The following SETBP1 variants were observed in gnomAD, a reference collection of about 807,000 sequenced individuals.
SETBP1 encodes the protein SET binding protein 1, also known as SET-binding protein.
SETBP1 carries 9 observed loss-of-function variants against 101.0 expected under a neutral mutation model. The ratio of observed to expected loss-of-function variants is 0.09; its 90% CI spans 0.05 to 0.16. The LOEUF (loss-of-function observed/expected upper bound fraction) is 0.16, where lower values mean the gene tolerates loss of function less well. SETBP1 is among the 10% of genes least tolerant of loss of function. The probability of loss-of-function intolerance (pLI) is 1.00; values close to 1 mark genes in which losing one functional copy is unlikely to be tolerated. For missense variants in SETBP1, 1,858 were observed against 2,033.8 expected (o/e 0.91, Z 1.66); for synonymous variants, 818 against 788.5 (o/e 1.04, Z -0.63).
In SETBP1 at chr18:44,898,845, G is replaced by T. The variant is rs536145609; in HGVS notation, c.540+29562G>T. On this transcript the variant is annotated intron_variant, in intron 3 of 5. Transcript: ENST00000649279. ...GGAAGTGATTGTAAAATATTTGAGAGGATTAAATGCTCAGAGAATATAGTG... is the reference window on the plus strand; with the variant it reads ...GGAAGTGATTGTAAAATATTTGAGATGATTAAATGCTCAGAGAATATAGTG... 6.6e-5 allele frequency among the ~76,000 whole-genome samples: 10 copies of T among 152,322 alleles called. 1 individual carries two copies. Among genetic ancestry groups the T allele is most frequent in the Admixed American group, 6.5e-4 (10 of 15,286 alleles).
At chr18:44,771,928 A>G (rs574156420) in intron 2 of SETBP1, among the ~76,000 whole-genome samples, 1 of 152,314 alleles carries the variant, frequency 6.6e-6, no homozygotes, top group African/African-American at 2.4e-5. Context: ...GATGGAACAG[A>G]CTTCCTATGT....
intron 4 of SETBP1, among the ~76,000 whole-genome samples, chr18:45,003,228 TCTAGGGAATCTGTGTA>T (rs1437183368): frequency 6.6e-6 from 1 of 152,006 alleles, no homozygotes; most frequent in Non-Finnish European, 1.5e-5. Flanking sequence ...TGTGCACAAT[TCTAGGGAATCTGTGTA>T]TTTTTTAGTT....
rs1381024427 is a variant in SETBP1 at position 44,822,551 on chromosome 18, G to A, written c.487-46679G>A. On this transcript the variant is annotated intron_variant, in intron 2 of 5. Transcript: ENST00000649279. The stretch of plus-strand genomic sequence containing the variant: ...TTTAGAAATTAACCACCTGCCATAG[G>A]GAAGATGCGTAGATGATTAGGTTAG... Among the ~76,000 whole-genome samples the A allele has an allele frequency of 3.3e-5, 5 of 152,268 alleles. 1 individual carries two copies. In the South Asian group the frequency reaches 6.2e-4, roughly 19 times the overall value.
chr18:44,899,122 G>C (rs1009709736), intron 3 of SETBP1, among the ~76,000 whole-genome samples: 1 of 152,104 alleles, frequency 6.6e-6, no homozygotes, highest in Non-Finnish European at 1.5e-5. Context: ...TGTTCCTTTT[G>C]TAGAGTTAAA....
chr18:44,784,158 CT>C (rs951729255), intron 2 of SETBP1, among the ~76,000 whole-genome samples: 2 of 152,190 alleles, frequency 1.3e-5, no homozygotes, highest in African/African-American at 2.4e-5. Context: ...TAATTGTGGA[CT>C]TTCCTAAAGA....
intron 2 of SETBP1, among the ~76,000 whole-genome samples, chr18:44,729,167 C>G (rs1240649484): frequency 6.6e-6 from 1 of 152,176 alleles, no homozygotes; most frequent in Non-Finnish European, 1.5e-5. Context: ...CACTTTGAGT[C>G]ACTGTTCTTT....
At chr18:44,996,217 T>G (rs2072494887) in intron 4 of SETBP1, among the ~76,000 whole-genome samples, 1 of 152,222 alleles carries the variant, frequency 6.6e-6, no homozygotes, top group Non-Finnish European at 1.5e-5. Context: ...CAATGAAGTC[T>G]GATAGCCAGG....
intron 2 of SETBP1, among the ~76,000 whole-genome samples, chr18:44,780,146 G>A (rs1430007451): frequency 6.6e-6 from 1 of 152,134 alleles, no homozygotes; most frequent in Non-Finnish European, 1.5e-5. Flanking sequence ...GACAAGCCCT[G>A]CTCCTCCAAC....
intron 4 of SETBP1, among the ~76,000 whole-genome samples, chr18:45,005,945 CTTTTTTTTTTTTT>C (rs1032603185): frequency 2.9e-5 from 3 of 103,170 alleles, no homozygotes; most frequent in South Asian, 3.1e-4. Context: ...TGCACCCGGC[CTTTTTTTTTTTTT>C]TTTTTTTTTT....
At chr18:44,849,591 C>T (rs114904539) in intron 2 of SETBP1, among the ~76,000 whole-genome samples, 1,731 of 152,200 alleles carry the variant, frequency 0.011, 24 homozygotes, top group African/African-American at 0.04. Context: ...GGCAGTAGCA[C>T]ATCCGTGACG....
chr18:44,865,099 A>T (rs2144657202), intron 2 of SETBP1, among the ~76,000 whole-genome samples: 1 of 152,284 alleles, frequency 6.6e-6, no homozygotes, highest in Non-Finnish European at 1.5e-5. Context: ...TCAGCGCTGG[A>T]TTGGACAGAT....
intron 4 of SETBP1, among the ~76,000 whole-genome samples, chr18:45,000,061 A>T (rs1489653390): frequency 6.6e-6 from 1 of 152,244 alleles, no homozygotes; most frequent in Non-Finnish European, 1.5e-5. Flanking sequence ...AACTGTTGGC[A>T]CACCAGCCTG....
At chr18:44,915,456 G>T (rs1424071287) in intron 3 of SETBP1, among the ~76,000 whole-genome samples, 1 of 152,158 alleles carries the variant, frequency 6.6e-6, no homozygotes, top group Non-Finnish European at 1.5e-5. Flanking sequence ...AACACCACGG[G>T]AATATAAGAG....
chr18:44,962,905 G>C (rs1171322960), intron 4 of SETBP1, among the ~76,000 whole-genome samples: 1 of 152,132 alleles, frequency 6.6e-6, no homozygotes, highest in South Asian at 2.1e-4. Context: ...AGGACCCAGA[G>C]ATAAAAAGCT....
Position 44,950,334 on chromosome 18 carries a change from G to A in SETBP1, c.994G>A (p.Gly332Ser). The A allele has an allele frequency of 1.9e-6, 3 of 1,614,004 alleles. No homozygotes were observed. The highest frequency in any genetic ancestry group is 1.7e-6 in the Non-Finnish European group (2 of 1,180,030). The change falls in exon 4 of 6, where the codon GGC (glycine) becomes AGC (serine). Residue 332 changes from glycine (G) to serine (S), a missense_variant. Physicochemically the swap from Gly to Ser is moderately conservative, Grantham distance 56. Coordinates refer to ENST00000649279, the MANE Select transcript of SETBP1 (RefSeq NM_015559.3). ...TKEPPEPPTVGSKKKSSKKDV... is the reference protein window; with the variant it reads ...TKEPPEPPTVSSKKKSSKKDV... ...GGAGCCCCCAGAACCACCTACGGTG[G>A]GCAGCAAGAAAAAGTCCAGTAAAAA...
chr18:44,848,412 G>A (rs1331990423), intron 2 of SETBP1, among the ~76,000 whole-genome samples: 1 of 152,164 alleles, frequency 6.6e-6, no homozygotes, highest in African/African-American at 2.4e-5. Context: ...CTGGGAAGTG[G>A]CCTGCAGAAA....
chr18:44,703,348 G>GTTTTTTTTTTTTGTTTTTTTTTTTTT (rs2069151386), intron 2 of SETBP1, among the ~76,000 whole-genome samples: 1 of 51,444 alleles, frequency 1.9e-5, no homozygotes, highest in Non-Finnish European at 3.6e-5. Context: ...TTACCATTAG[G>GTTTTTTTTTTTTGTTTTTTTTTTTTT]TTTTTTTTTT....
At chr18:44,866,058 G>C (rs1008810140) in intron 2 of SETBP1, among the ~76,000 whole-genome samples, 4 of 152,214 alleles carry the variant, frequency 2.6e-5, no homozygotes, top group African/African-American at 7.2e-5. Context: ...TTCAACCAGT[G>C]CAAGGGGTGA....
intron 4 of SETBP1, among the ~76,000 whole-genome samples, chr18:44,965,810 A>T (rs1440267530): frequency 6.6e-6 from 1 of 152,150 alleles, no homozygotes; most frequent in Non-Finnish European, 1.5e-5. Context: ...CTGTTTCTGA[A>T]TGTCTTCCCT....
Sources: allele counts gnomAD v4.1 joint callset (sites outside exome capture counted in the v4.1 genomes callset), GRCh38; gene constraint gnomAD v4.1.1; transcripts MANE v1.5; gene names NCBI Gene and HGNC (gene_info 2026-07-23, HGNC 2026-07-21).